CPQ: variants seen among roughly 807,000 people sequenced by gnomAD.
CPQ encodes the protein Ser-Met dipeptidase.
CPQ carries 37 observed loss-of-function variants against 45.7 expected under a neutral mutation model. The ratio of observed to expected loss-of-function variants is 0.81; its 90% CI spans 0.62 to 1.07. The LOEUF (loss-of-function observed/expected upper bound fraction) is 1.07, where lower values mean the gene tolerates loss of function less well. Ranked by LOEUF, CPQ falls within the 50% of genes least tolerant of loss-of-function variation. The pLI, the probability that CPQ is intolerant of heterozygous loss-of-function variation, is 0.00. For missense variants in CPQ, 537 were observed against 572.9 expected (o/e 0.94, Z 0.64); for synonymous variants, 186 against 205.8 (o/e 0.90, Z 0.82).
At chr8:96,799,756 T>G (rs1347624031) in intron 2 of CPQ, among the ~76,000 whole-genome samples, 9 of 152,212 alleles carry the variant, frequency 5.9e-5, no homozygotes, top group Non-Finnish European at 8.8e-5. Context: ...TGTTCCCACT[T>G]TACAAATGAT....
At chr8:96,751,481 GTTGT>G (rs964304921) in intron 1 of CPQ, among the ~76,000 whole-genome samples, 1 of 152,072 alleles carries the variant, frequency 6.6e-6, no homozygotes, top group African/African-American at 2.4e-5. Context: ...TTTTAATGGG[GTTGT>G]TTAATTTTTT....
intron 5 of CPQ, among the ~76,000 whole-genome samples, chr8:97,024,867 G>A (rs1047483710): frequency 2.3e-4 from 35 of 152,184 alleles, no homozygotes; most frequent in African/African-American, 8.2e-4. Flanking sequence ...GACAACAGGT[G>A]TATTTGTGAA....
chr8:96,738,334 C>T (rs1295273050), intron 1 of CPQ, among the ~76,000 whole-genome samples: 1 of 151,866 alleles, frequency 6.6e-6, no homozygotes, highest in Non-Finnish European at 1.5e-5. Flanking sequence ...TGGATTTGTC[C>T]ATTTCTCTGT....
At chr8:96,790,857 A>C (rs1469937554) in intron 2 of CPQ, among the ~76,000 whole-genome samples, 2 of 152,128 alleles carry the variant, frequency 1.3e-5, no homozygotes, top group Non-Finnish European at 2.9e-5. Flanking sequence ...TGTGGGGTGA[A>C]GATCTGCTGA....
At chr8:96,957,845 T>C (rs1195185772) in intron 4 of CPQ, among the ~76,000 whole-genome samples, 1 of 151,806 alleles carries the variant, frequency 6.6e-6, no homozygotes, top group Non-Finnish European at 1.5e-5. Flanking sequence ...ATGCTTTTTT[T>C]TTTTTGGAGA....
intron 3 of CPQ, among the ~76,000 whole-genome samples, chr8:96,856,534 A>G (rs966921075): frequency 6.6e-6 from 1 of 152,214 alleles, no homozygotes; most frequent in Non-Finnish European, 1.5e-5. Context: ...GAGAGAAGGA[A>G]TCTTGCTTAT....
intron 4 of CPQ, among the ~76,000 whole-genome samples, chr8:96,938,253 C>T (rs971712815): frequency 3.9e-5 from 6 of 151,958 alleles, no homozygotes; most frequent in Admixed American, 6.6e-5. Flanking sequence ...TAATTTAGAC[C>T]GGGTGTGGTG....
chr8:97,096,745 T>G (rs966852241), intron 7 of CPQ, among the ~76,000 whole-genome samples: 3 of 152,236 alleles, frequency 2.0e-5, no homozygotes, highest in African/African-American at 7.2e-5. Context: ...GAGGCCTTCA[T>G]AGAGCTTTCT....
intron 7 of CPQ, among the ~76,000 whole-genome samples, chr8:97,080,180 T>TTAAG (rs1388274586): frequency 6.6e-6 from 1 of 152,170 alleles, no homozygotes; most frequent in East Asian, 1.9e-4. Context: ...TTTTGCCAAA[T>TTAAG]TAAGTCTTCC....
intron 2 of CPQ, among the ~76,000 whole-genome samples, chr8:96,816,288 T>A (rs1811227951): frequency 6.6e-6 from 1 of 152,188 alleles, no homozygotes; most frequent in African/African-American, 2.4e-5. Flanking sequence ...GAAACTCGTT[T>A]ATTTGCTCAT....
intron 4 of CPQ, among the ~76,000 whole-genome samples, chr8:96,962,672 T>C (rs1377161036): frequency 1.3e-5 from 2 of 152,220 alleles, no homozygotes; most frequent in African/African-American, 4.8e-5. Context: ...TGGTATATTT[T>C]TCTGGGTTAT....
chr8:97,084,674 C>T (rs1811010751), intron 7 of CPQ, among the ~76,000 whole-genome samples: 1 of 152,134 alleles, frequency 6.6e-6, no homozygotes, highest in Non-Finnish European at 1.5e-5. Context: ...CACAGGCCCT[C>T]GGGGACATTT....
rs368990187 is a variant in CPQ, at chr8:96,741,608, G to A, written c.-34-43256G>A. On this transcript the variant is annotated intron_variant, in intron 1 of 7. Transcript: ENST00000220763. ...ATCTTTCCTGCTTTCTCTTGTGGGC[G>A]TTTAGTGCTATAAATTTCCCTCTAC... is the stretch of plus-strand genomic sequence containing the variant. 6.6e-4 allele frequency among the ~76,000 whole-genome samples: 101 copies of A among 151,950 alleles called. 2 individuals carry two copies. In the South Asian group the frequency reaches 0.018, roughly 28 times the overall value.
At chr8:96,703,132 A>T (rs961498692) in intron 1 of CPQ, among the ~76,000 whole-genome samples, 1 of 152,178 alleles carries the variant, frequency 6.6e-6, no homozygotes, top group Non-Finnish European at 1.5e-5. Flanking sequence ...ACAAGAACCT[A>T]ACTCTGTATT....
At chr8:96,901,099 T>G (rs1047332746) in intron 4 of CPQ, among the ~76,000 whole-genome samples, 8 of 152,158 alleles carry the variant, frequency 5.3e-5, no homozygotes, top group Non-Finnish European at 1.5e-5. Context: ...TGTCATCCCC[T>G]GCAGGCATTG....
At chr8:96,929,855 CA>C (rs1354160791) in intron 4 of CPQ, among the ~76,000 whole-genome samples, 2 of 152,076 alleles carry the variant, frequency 1.3e-5, no homozygotes, top group Non-Finnish European at 2.9e-5. Context: ...TCTCAGTAGG[CA>C]AAAGTTTCCT....
chr8:97,045,526 T>G (rs1810236225), intron 6 of CPQ, among the ~76,000 whole-genome samples: 1 of 152,168 alleles, frequency 6.6e-6, no homozygotes, highest in Admixed American at 6.5e-5. Context: ...CACTCCCTAG[T>G]GAGATGAACC....
intron 7 of CPQ, among the ~76,000 whole-genome samples, chr8:97,076,798 G>A (rs1810852978): frequency 6.6e-6 from 1 of 152,048 alleles, no homozygotes; most frequent in Non-Finnish European, 1.5e-5. Context: ...TATGACATTA[G>A]CAGCCTAGAT....
At chr8:96,838,749 G>T (rs1811565642) in intron 3 of CPQ, among the ~76,000 whole-genome samples, 1 of 152,030 alleles carries the variant, frequency 6.6e-6, no homozygotes, top group Admixed American at 6.6e-5. Context: ...GAATGAATTT[G>T]TCTGAGGATG....
Sources: allele counts gnomAD v4.1 joint callset (sites outside exome capture counted in the v4.1 genomes callset), GRCh38; gene constraint gnomAD v4.1.1; transcripts MANE v1.5; gene names NCBI Gene and HGNC (gene_info 2026-07-23, HGNC 2026-07-21).